The following POLQ variants were observed in gnomAD, a reference collection of about 807,000 sequenced individuals.
The protein encoded by POLQ is DNA polymerase theta.
Under a neutral mutation model 259.2 loss-of-function variants are expected in POLQ, and 233 were observed. That is an observed-to-expected ratio of 0.90 (90% CI 0.81 to 1.00). The LOEUF is 1.00. POLQ is among the 50% of genes least tolerant of loss of function. The pLI is 0.00. For missense variants in POLQ, 2,871 were observed against 3,051.6 expected, an observed-to-expected ratio of 0.94 and a Z score of 1.39; for synonymous variants, 1,025 against 1,048.8, an observed-to-expected ratio of 0.98 and a Z score of 0.44.
intron 15 of POLQ, among the ~76,000 whole-genome samples, chr3:121,490,616 T>G (rs1388424210): frequency 6.6e-6 from 1 of 152,174 alleles, no homozygotes; most frequent in Non-Finnish European, 1.5e-5. Context: ...TACCTGGTGA[T>G]AAGAGTTGTA....
chr3:121,473,629 C>T (rs755111036), intron 20 of POLQ, 142 bp from the exon 21 acceptor site: 7 of 762,280 alleles, frequency 9.2e-6, no homozygotes, highest in African/African-American at 1.8e-5. Flanking sequence ...TTTGGAATTA[C>T]CATATTTAAT....
Position 121,541,444 on chromosome 3 carries a change from A to C in POLQ, c.379T>G (p.Leu127Val). Reference protein sequence around the residue: ...TSAGKTLVAELLILKRVLEMR... With the variant: ...TSAGKTLVAEVLILKRVLEMR... ...TCCAAAACCCGCTTCAAAATAAGTA[A>C]TTCTGCCACAAGAGTCTTCCCAGCA... Residue 127 changes from leucine (L) to valine (V), a missense_variant, in exon 3 of 30, where the codon TTA becomes GTA. Leu to Val is a conservative substitution (Grantham distance 32). This residue lies in a region of POLQ where 783 missense variants were observed against 906.2 expected (regional missense o/e 0.86). Coordinates refer to ENST00000264233, the MANE Select transcript of POLQ (RefSeq NM_199420.4). The C allele has an allele frequency of 6.2e-7, 1 of 1,611,464 alleles. No individual in the cohort carries two copies. The highest frequency in any genetic ancestry group is 8.5e-7 in the Non-Finnish European group (1 of 1,178,606).
chr3:121,529,843 C>A, intron 6 of POLQ, 51 bp from the exon 7 acceptor site: 2 of 1,430,702 alleles, frequency 1.4e-6, no homozygotes, highest in South Asian at 2.6e-5. Flanking sequence ...AAAAGATTCT[C>A]ACATCAGTTT....
chr3:121,516,628 C>T (rs1271004921), intron 9 of POLQ, among the ~76,000 whole-genome samples: 1 of 152,126 alleles, frequency 6.6e-6, no homozygotes, highest in Admixed American at 6.6e-5. Flanking sequence ...ACTTACAAAT[C>T]GCTATTTTGG....
At chr3:121,507,642 G>A (rs769564603) in intron 12 of POLQ, among the ~76,000 whole-genome samples, 11 of 152,170 alleles carry the variant, frequency 7.2e-5, no homozygotes, top group South Asian at 2.1e-4. Flanking sequence ...CAGAAGAATC[G>A]CTTGAACCTG....
intron 12 of POLQ, among the ~76,000 whole-genome samples, chr3:121,501,828 A>G (rs1194318269): frequency 3.3e-5 from 5 of 151,680 alleles, no homozygotes; most frequent in African/African-American, 7.3e-5. Context: ...TCTACTAAAA[A>G]TACAAAAAAA....
At chr3:121,517,211 G>A (rs759407291) in intron 9 of POLQ, among the ~76,000 whole-genome samples, 24 of 152,292 alleles carry the variant, frequency 1.6e-4, no homozygotes, top group Non-Finnish European at 2.5e-4. Context: ...ATGGACAGAG[G>A]TAGGCAAATA....
Position 121,488,976 on chromosome 3 carries a change from C to CA in POLQ, c.3954dup (p.Glu1319Ter), listed in dbSNP as rs1219015384. ...TGAGTATCCAGATAGAAACTATCTT[C>CA]AAAATCACAGAGGACTAAACCTAAG... On this transcript the variant is annotated frameshift_variant, in exon 16 of 30. Coordinates refer to ENST00000264233, the MANE Select transcript of POLQ (RefSeq NM_199420.4). LOFTEE classifies it high-confidence loss of function. 4 of 1,613,488 alleles carry CA rather than the reference C, an allele frequency of 2.5e-6. No individual in the cohort carries two copies.
intron 22 of POLQ, 31 bp from the exon 23 acceptor site, chr3:121,468,462 CA>C: frequency 6.5e-7 from 1 of 1,534,258 alleles, no homozygotes; most frequent in Non-Finnish European, 8.9e-7. Context: ...GACATAAAAT[CA>C]GGAAAAAAAA....
At chr3:121,528,117 GATAA>G (rs1451617701) in intron 7 of POLQ, among the ~76,000 whole-genome samples, 1 of 151,990 alleles carries the variant, frequency 6.6e-6, no homozygotes, top group African/African-American at 2.4e-5. Flanking sequence ...CCTAAGTTTT[GATAA>G]ATATTTATTT....
At chr3:121,438,308 T>C (rs981393027) in intron 27 of POLQ, among the ~76,000 whole-genome samples, 1 of 152,196 alleles carries the variant, frequency 6.6e-6, no homozygotes, top group African/African-American at 2.4e-5. Context: ...CTCTCTTGCA[T>C]CTTCAGGTAC....
Position 121,432,336 on chromosome 3 carries a change from T to A in POLQ, c.7741A>T (p.Ser2581Cys). 6.2e-7 allele frequency: 1 copy of A among 1,607,336 alleles called. No homozygotes were observed. Among genetic ancestry groups the A allele is most frequent in the Non-Finnish European group, 8.5e-7 (1 of 1,176,920 alleles). Residue 2581 changes from serine to cysteine, a missense_variant, in exon 30 of 30, where the codon AGC becomes TGC. Around this residue, in one of 3 missense-constraint regions of POLQ, gnomAD observed 2,080 missense variants for 2,126.0 expected, o/e 0.98. Transcript: ENST00000264233. ...KLKVKVKIGA[S>C]WGELKDFDV is the part of the protein sequence containing the mutation. ...TCAAAGTCCTTTAGCTCTCCCCAGC[T>A]GGCGCCTATTTTCACTTTCACTTTC...
rs148327594 is a variant in POLQ at position 121,530,531 on chromosome 3, G to A, written c.961-739C>T. Among the ~76,000 whole-genome samples, 62 of 152,104 alleles carry A rather than the reference G, an allele frequency of 4.1e-4. 1 individual carries two copies. In the East Asian group the frequency reaches 8.3e-3, roughly 20 times the overall value. On this transcript the variant is annotated intron_variant, in intron 6 of 29. Coordinates refer to ENST00000264233, the MANE Select transcript of POLQ (RefSeq NM_199420.4). The stretch of plus-strand genomic sequence containing the variant: ...ATATACCATTAAAAGAGAGTTTTAC[G>A]GTGTTTTGAGGCCTCATATTTGACA...
At chr3:121,514,938 G>A (rs761265010) in intron 9 of POLQ, among the ~76,000 whole-genome samples, 1 of 152,210 alleles carries the variant, frequency 6.6e-6, no homozygotes, top group Non-Finnish European at 1.5e-5. Flanking sequence ...CCATCACAGT[G>A]CATTCTGGAA....
chr3:121,476,226 A>G (rs1196994567), intron 20 of POLQ, among the ~76,000 whole-genome samples: 2 of 152,212 alleles, frequency 1.3e-5, no homozygotes, highest in African/African-American at 4.8e-5. Flanking sequence ...CTATGCTGTC[A>G]TGCAACCACC....
chr3:121,459,369 A>ATTTTTTTTTTTTT (rs58859161), intron 25 of POLQ, among the ~76,000 whole-genome samples: 91 of 104,764 alleles, frequency 8.7e-4, no homozygotes, highest in East Asian at 1.4e-3. Context: ...GACTAGAAAG[A>ATTTTTTTTTTTTT]TTTTTTTTTT....
In POLQ at chr3:121,510,254, A is replaced by G. The variant is rs771572158; in HGVS notation, c.1612-11T>C. The G allele has an allele frequency of 6.3e-7, 1 of 1,593,904 alleles. No homozygotes were observed. Among genetic ancestry groups the G allele is most frequent in the Non-Finnish European group, 8.6e-7 (1 of 1,162,562 alleles). On this transcript the variant is annotated splice_polypyrimidine_tract_variant and intron_variant, in intron 10 of 29. Transcript: ENST00000264233. ...TCCACCAACTATTATCTGAAAGAAGATATTTGGAAATTTCTGTAGCTTTTT... is the reference window on the plus strand; with the variant it reads ...TCCACCAACTATTATCTGAAAGAAGGTATTTGGAAATTTCTGTAGCTTTTT...
intron 26 of POLQ, among the ~76,000 whole-genome samples, chr3:121,441,821 A>G (rs2047594869): frequency 6.6e-6 from 1 of 152,232 alleles, no homozygotes; most frequent in Non-Finnish European, 1.5e-5. Flanking sequence ...CTGTTCTCCA[A>G]AGTAGTTTTA....
chr3:121,480,523 G>A lies in POLQ; in HGVS notation c.6211+1049C>T, dbSNP rs184569580. Among the ~76,000 whole-genome samples, 199 of 150,988 alleles carry A rather than the reference G, an allele frequency of 1.3e-3. 2 individuals are homozygous for A. The highest frequency in any genetic ancestry group is 4.2e-3 in the South Asian group (20 of 4,774). ...TTTTTTTGAGATGGGGTCTCACTATGTGGTCCAGGCTGGTCTCAAACTTCT... is the reference window on the plus strand; with the variant it reads ...TTTTTTTGAGATGGGGTCTCACTATATGGTCCAGGCTGGTCTCAAACTTCT... On this transcript the variant is annotated intron_variant, in intron 19 of 29. Coordinates refer to ENST00000264233, the MANE Select transcript of POLQ (RefSeq NM_199420.4).
Sources: allele counts gnomAD v4.1 joint callset (sites outside exome capture counted in the v4.1 genomes callset), GRCh38; gene constraint gnomAD v4.1.1; regional missense constraint gnomAD v4.1.1; transcripts MANE v1.5; gene names NCBI Gene and HGNC (gene_info 2026-07-23, HGNC 2026-07-21).